NDUFAF2: variants seen among roughly 807,000 people sequenced by gnomAD.
NDUFAF2 encodes NADH dehydrogenase [ubiquinone] 1 alpha subcomplex assembly factor 2.
In NDUFAF2, 13 loss-of-function variants were observed where a neutral mutation model predicts 22.8. The observed-to-expected ratio is 0.57, with a 90% CI of 0.37 to 0.91. The LOEUF is 0.91. Ranked by LOEUF, NDUFAF2 falls within the 40% of genes least tolerant of loss-of-function variation. The pLI is 0.01. For missense variants in NDUFAF2, 162 were observed against 195.2 expected (o/e 0.83, Z 1.01); for synonymous variants, 53 against 64.2 (o/e 0.83, Z 0.84).
intron 3 of NDUFAF2, among the ~76,000 whole-genome samples, chr5:61,129,139 AAAC>A (rs1458983952): frequency 6.6e-6 from 1 of 152,208 alleles, no homozygotes; most frequent in African/African-American, 2.4e-5. Context: ...AAAAGTCAGG[AAAC>A]AACAGGCGCT....
At chr5:61,035,424 GTTTTTTTTTT>G (rs768889484) in intron 1 of NDUFAF2, among the ~76,000 whole-genome samples, 12 of 40,520 alleles carry the variant, frequency 3.0e-4, no homozygotes, top group South Asian at 9.9e-4. Flanking sequence ...CTCTTGCTCT[GTTTTTTTTTT>G]TTTTTTTTTT....
rs1026829659 is a variant in NDUFAF2 at position 61,035,438 on chromosome 5, T to G, written c.128-37687T>G. ...TCTCTTGCTCTGTTTTTTTTTTTTT[T>G]TTTTTTTTTTTTTTGGTAAAGGGCT... On this transcript the variant is annotated intron_variant, in intron 1 of 3. Coordinates refer to ENST00000296597, the MANE Select transcript of NDUFAF2 (RefSeq NM_174889.5). Among the ~76,000 whole-genome samples, 8 of 148,064 alleles carry G rather than the reference T, an allele frequency of 5.4e-5. No individual in the cohort carries two copies. In the East Asian group the frequency reaches 5.8e-4, roughly 11 times the overall value.
At chr5:60,990,084 G>C (rs536463431) in intron 1 of NDUFAF2, among the ~76,000 whole-genome samples, 1 of 152,288 alleles carries the variant, frequency 6.6e-6, no homozygotes, top group East Asian at 1.9e-4. Context: ...TCACTTATTT[G>C]TGGGAGCTAA....
Position 61,151,811 on chromosome 5 carries a change from AC to A in NDUFAF2, c.259-891del, listed in dbSNP as rs372570659. On this transcript the variant is annotated intron_variant, in intron 3 of 3. Transcript: ENST00000296597. ...CTCCGTCTCAAAAAAACAAAAAAAA[AC>A]CAAAACAAACAACAACAACAACAAA... Among the ~76,000 whole-genome samples the A allele has an allele frequency of 3.6e-3, 539 of 149,650 alleles. 1 individual carries two copies. The highest frequency in any genetic ancestry group is 5.2e-3 in the East Asian group (26 of 5,004).
At chr5:61,136,491 G>A (rs927293766) in intron 3 of NDUFAF2, among the ~76,000 whole-genome samples, 8 of 152,004 alleles carry the variant, frequency 5.3e-5, no homozygotes, top group Non-Finnish European at 8.8e-5. Flanking sequence ...TGCTAAGTCC[G>A]TTGAATATGT....
chr5:61,142,546 A>T (rs547408068), intron 3 of NDUFAF2, among the ~76,000 whole-genome samples: 1 of 152,240 alleles, frequency 6.6e-6, no homozygotes, highest in Admixed American at 6.5e-5. Flanking sequence ...CTCAGTGTAC[A>T]TTCTCATTAT....
intron 1 of NDUFAF2, among the ~76,000 whole-genome samples, chr5:61,021,782 A>G (rs1751586902): frequency 6.6e-6 from 1 of 152,140 alleles, no homozygotes; most frequent in South Asian, 2.1e-4. Flanking sequence ...TTAGCATTTT[A>G]GTTTCCCTTT....
chr5:60,948,964 T>C (rs1370480663), intron 1 of NDUFAF2, among the ~76,000 whole-genome samples: 1 of 152,222 alleles, frequency 6.6e-6, no homozygotes, highest in Non-Finnish European at 1.5e-5. Context: ...ATGGTCAGTC[T>C]TTTTAATTTT....
At chr5:61,118,130 A>G (rs543407405) in intron 3 of NDUFAF2, among the ~76,000 whole-genome samples, 1 of 152,230 alleles carries the variant, frequency 6.6e-6, no homozygotes, top group Admixed American at 6.5e-5. Context: ...TTTCAAAATC[A>G]TCTGTCTCCC....
chr5:61,100,358 G>A (rs1160134622), intron 3 of NDUFAF2, among the ~76,000 whole-genome samples: 1 of 152,098 alleles, frequency 6.6e-6, no homozygotes, highest in Admixed American at 6.6e-5. Context: ...CACAACTTCT[G>A]TAAATTTTAG....
intron 1 of NDUFAF2, among the ~76,000 whole-genome samples, chr5:60,971,081 G>A (rs116054349): frequency 0.013 from 1,996 of 150,602 alleles, 47 homozygotes; most frequent in African/African-American, 0.046. Flanking sequence ...AAAATTTTGG[G>A]TCATGCTTAA....
In NDUFAF2 at chr5:61,029,369, G is replaced by A. The variant is rs192349442; in HGVS notation, c.128-43756G>A. 3.3e-5 allele frequency among the ~76,000 whole-genome samples: 5 copies of A among 152,260 alleles called. No homozygotes were observed. In the East Asian group the frequency reaches 7.7e-4, roughly 23 times the overall value. ...TTACTCGTGCAATTGATTTCTCTGT[G>A]TGAAAGCAGATGAGCAAGAGTTCAC... is the stretch of plus-strand genomic sequence containing the variant. On this transcript the variant is annotated intron_variant, in intron 1 of 3. Transcript: ENST00000296597.
intron 1 of NDUFAF2, among the ~76,000 whole-genome samples, chr5:61,010,586 T>G (rs751663375): frequency 6.6e-6 from 1 of 152,100 alleles, no homozygotes; most frequent in Non-Finnish European, 1.5e-5. Context: ...GTGCTATATG[T>G]TCTCATAGTT....
intron 2 of NDUFAF2, among the ~76,000 whole-genome samples, chr5:61,086,313 G>A (rs1052332238): frequency 2.0e-5 from 3 of 152,118 alleles, no homozygotes; most frequent in Non-Finnish European, 2.9e-5. Context: ...GAATTGATAT[G>A]CTGATTTTAA....
chr5:60,988,626 C>T (rs1390512828), intron 1 of NDUFAF2, among the ~76,000 whole-genome samples: 2 of 152,092 alleles, frequency 1.3e-5, no homozygotes, highest in Non-Finnish European at 2.9e-5. Context: ...AATAATGCCA[C>T]ACACCTACAA....
chr5:61,085,368 A>G (rs1752493185), intron 2 of NDUFAF2, among the ~76,000 whole-genome samples: 1 of 152,190 alleles, frequency 6.6e-6, no homozygotes, highest in Non-Finnish European at 1.5e-5. Context: ...ACTCTCCACA[A>G]ACTTAAAATA....
chr5:60,993,369 C>T (rs1222274162), intron 1 of NDUFAF2, among the ~76,000 whole-genome samples: 2 of 152,234 alleles, frequency 1.3e-5, no homozygotes, highest in African/African-American at 2.4e-5. Flanking sequence ...TCTGTTCACC[C>T]ACAATGTGGT....
intron 1 of NDUFAF2, among the ~76,000 whole-genome samples, chr5:61,048,003 A>C (rs2111693552): frequency 6.6e-6 from 1 of 152,318 alleles, no homozygotes; most frequent in Middle Eastern, 3.4e-3. Flanking sequence ...CATGAAGTGA[A>C]AAAAATCAAG....
chr5:61,043,943 A>G (rs1751915464), intron 1 of NDUFAF2, among the ~76,000 whole-genome samples: 1 of 152,030 alleles, frequency 6.6e-6, no homozygotes, highest in Non-Finnish European at 1.5e-5. Context: ...ATTTTCTGTA[A>G]AGGCTATACC....
Sources: gnomAD v4.1 joint callset for allele counts (sites outside exome capture counted in the v4.1 genomes callset) on GRCh38, gnomAD v4.1.1 for gene constraint, MANE v1.5 for transcripts, NCBI Gene and HGNC (gene_info 2026-07-23, HGNC 2026-07-21) for gene names.